The following STMND1 variants were observed in gnomAD, a reference collection of about 807,000 sequenced individuals.
STMND1 encodes stathmin domain containing 1, also known as stathmin domain-containing protein 1.
Under a neutral mutation model 23.0 loss-of-function variants are expected in STMND1, and 17 were observed. The ratio of observed to expected loss-of-function variants is 0.74; its 90% confidence interval spans 0.51 to 1.11. The LOEUF is 1.11. Among genes scored for constraint, STMND1 ranks in the 50% least tolerant of loss-of-function variants. The probability of loss-of-function intolerance (pLI) is 0.00; values close to 1 mark genes in which losing one functional copy is unlikely to be tolerated. For synonymous variants in STMND1, 114 were observed against 119.9 expected (o/e 0.95, Z 0.32); for missense variants, 305 against 329.1 (o/e 0.93, Z 0.57).
In STMND1 at chr6:17,115,007, A is replaced by C; in HGVS notation, c.127A>C (p.Met43Leu). Residue 43 changes from methionine (M) to leucine (L), a missense_variant, in exon 2 of 5, where the codon ATG becomes CTG. Met to Leu is a conservative substitution (Grantham distance 15). Transcript: ENST00000536551. ...PHTGENCSPRMEAALTKNTVD... is the reference protein window; with the variant it reads ...PHTGENCSPRLEAALTKNTVD... ...TACTGGGGAAAATTGCAGCCCCCGG[A>C]TGGAAGCTGCTCTGACCAAGAATAC... 1 of 1,533,970 alleles carries C rather than the reference A, an allele frequency of 6.5e-7. No individual in the cohort carries two copies. Among genetic ancestry groups the C allele is most frequent in the Non-Finnish European group, 8.7e-7 (1 of 1,146,018 alleles).
intron 1 of STMND1, among the ~76,000 whole-genome samples, chr6:17,108,118 T>C (rs1761050497): frequency 6.6e-6 from 1 of 152,228 alleles, no homozygotes; most frequent in Non-Finnish European, 1.5e-5. Context: ...ATTTAGGTTT[T>C]GGTCACCAGC....
At chr6:17,111,013 C>G in intron 1 of STMND1, 1 of 334,890 alleles carries the variant, frequency 3.0e-6, no homozygotes, top group South Asian at 2.3e-5. Context: ...AAAAGTTTTT[C>G]TGAACACATT....
intron 1 of STMND1, among the ~76,000 whole-genome samples, chr6:17,108,829 T>G (rs1406180252): frequency 6.6e-6 from 1 of 151,996 alleles, no homozygotes; most frequent in Non-Finnish European, 1.5e-5. Context: ...CCTGAGTAGC[T>G]GGGATTACAG....
At chr6:17,108,551 T>C (rs1761055347) in intron 1 of STMND1, among the ~76,000 whole-genome samples, 1 of 152,200 alleles carries the variant, frequency 6.6e-6, no homozygotes, top group Non-Finnish European at 1.5e-5. Context: ...ATACTTGTCT[T>C]ACCGTCACTG....
chr6:17,119,240 A>C (rs1761197789), intron 2 of STMND1, among the ~76,000 whole-genome samples: 2 of 152,334 alleles, frequency 1.3e-5, no homozygotes, highest in South Asian at 4.1e-4. Flanking sequence ...AGATAGGAGG[A>C]AAACTGTTGG....
At chr6:17,102,469 G>A (rs148042354) in intron 1 of STMND1, 131 bp downstream of exon 1, 2 of 969,434 alleles carry the variant, frequency 2.1e-6, no homozygotes, top group Non-Finnish European at 1.5e-6. Context: ...GTTAACAGGT[G>A]GGAGCAACTT....
chr6:17,106,611 G>A (rs1761029105), intron 1 of STMND1, among the ~76,000 whole-genome samples: 1 of 152,256 alleles, frequency 6.6e-6, no homozygotes, highest in East Asian at 1.9e-4. Flanking sequence ...TCTGGGAAAG[G>A]TATGATTATT....
chr6:17,104,977 A>T (rs564442491), intron 1 of STMND1, among the ~76,000 whole-genome samples: 18 of 147,700 alleles, frequency 1.2e-4, no homozygotes, highest in Admixed American at 4.6e-4. Flanking sequence ...TATTCTTTTT[A>T]AAAAAAAACT....
At chr6:17,108,696 C>CTTTTTTTTTT (rs10653504) in intron 1 of STMND1, among the ~76,000 whole-genome samples, 9 of 138,746 alleles carry the variant, frequency 6.5e-5, no homozygotes, top group African/African-American at 8.0e-5. Context: ...TTTTCTTTTT[C>CTTTTTTTTTT]TTTTTTTTTT....
chr6:17,110,831 T>A (rs1292179109), intron 1 of STMND1: 1 of 455,972 alleles, frequency 2.2e-6, no homozygotes, highest in South Asian at 1.5e-5. Flanking sequence ...AAGATGCACG[T>A]GTTCTTTGTG....
intron 3 of STMND1, among the ~76,000 whole-genome samples, chr6:17,121,357 A>T (rs1761231366): frequency 6.6e-6 from 1 of 152,212 alleles, no homozygotes; most frequent in Non-Finnish European, 1.5e-5. Context: ...ATTGGGTTTC[A>T]CTAAATTTGA....
chr6:17,130,040 G>A (rs1265769181), intron 4 of STMND1, among the ~76,000 whole-genome samples: 3 of 151,996 alleles, frequency 2.0e-5, no homozygotes, highest in African/African-American at 4.8e-5. Flanking sequence ...TATATGTTTC[G>A]TGGTTTTTCT....
intron 1 of STMND1, among the ~76,000 whole-genome samples, chr6:17,113,163 C>T (rs1198022903): frequency 6.6e-6 from 1 of 152,172 alleles, no homozygotes; most frequent in Non-Finnish European, 1.5e-5. Context: ...TTATTTTCTA[C>T]TGTGTTTCTC....
At chr6:17,127,806 T>C (rs892063153) in intron 3 of STMND1, 2 of 152,228 alleles carry the variant, frequency 1.3e-5, no homozygotes, top group African/African-American at 2.4e-5. Context: ...CATTTTGTAA[T>C]GCAGCCTTGG....
At chr6:17,119,389 G>A (rs1761200076) in intron 2 of STMND1, among the ~76,000 whole-genome samples, 1 of 152,030 alleles carries the variant, frequency 6.6e-6, no homozygotes, top group African/African-American at 2.4e-5. Context: ...TTCATGAAAG[G>A]TCTCACTGCT....
intron 1 of STMND1, among the ~76,000 whole-genome samples, chr6:17,105,842 A>C (rs892768687): frequency 6.7e-6 from 1 of 149,886 alleles, no homozygotes; most frequent in Non-Finnish European, 1.5e-5. Flanking sequence ...GGAGAATGGC[A>C]TGAACCTGGG....
intron 3 of STMND1, among the ~76,000 whole-genome samples, chr6:17,125,164 A>G (rs1761280148): frequency 6.6e-6 from 1 of 151,952 alleles, no homozygotes; most frequent in Non-Finnish European, 1.5e-5. Flanking sequence ...AAAAAAAAAA[A>G]AAAAAAATTA....
rs546675846 is a variant in STMND1, at chr6:17,103,721, G to A, written c.81+1383G>A. 3.2e-3 allele frequency among the ~76,000 whole-genome samples: 484 copies of A among 151,968 alleles called. 2 individuals carry two copies. The highest frequency in any genetic ancestry group is 0.011 in the African/African-American group (437 of 41,424). On this transcript the variant is annotated intron_variant, in intron 1 of 4. Coordinates refer to ENST00000536551, the MANE Select transcript of STMND1 (RefSeq NM_001190766.2). Reference sequence around the variant, plus strand: ...TGAGTAGCTGGGATGACAGGCGTGCGCCACCACGCCCAGCTAATTTTTGTA... The same window carrying A: ...TGAGTAGCTGGGATGACAGGCGTGCACCACCACGCCCAGCTAATTTTTGTA...
intron 3 of STMND1, among the ~76,000 whole-genome samples, chr6:17,124,398 T>C (rs1375804457): frequency 2.6e-5 from 4 of 152,204 alleles, no homozygotes; most frequent in African/African-American, 9.6e-5. Flanking sequence ...TCTGGCTGCT[T>C]CTTAGCCAGG....
Sources: gnomAD v4.1 joint callset for allele counts (sites outside exome capture counted in the v4.1 genomes callset) on GRCh38, gnomAD v4.1.1 for gene constraint, MANE v1.5 for transcripts, NCBI Gene and HGNC (gene_info 2026-07-23, HGNC 2026-07-21) for gene names.